The following ZNF527 variants were observed in gnomAD, a reference collection of about 807,000 sequenced individuals.
The protein encoded by ZNF527 is zinc finger protein 527.
In ZNF527, 5 loss-of-function variants were observed where a neutral mutation model predicts 13.5. The ratio of observed to expected loss-of-function variants is 0.37; its 90% CI spans 0.19 to 0.78. ZNF527 has a LOEUF of 0.78. Ranked by LOEUF, ZNF527 falls within the 30% of genes least tolerant of loss-of-function variation. ZNF527 has a pLI of 0.48. For synonymous variants in ZNF527, 209 were observed against 243.1 expected, an observed-to-expected ratio of 0.86 and a Z score of 1.30; for missense variants, 628 against 726.4, an observed-to-expected ratio of 0.86 and a Z score of 1.56.
rs375560830 is a variant in ZNF527, at chr19:37,380,415, C to T, written c.256+43C>T. 6.5e-6 allele frequency: 10 copies of T among 1,547,508 alleles called. No homozygotes were observed. The African/African-American group carries it at 8.2e-5, about 13-fold the overall frequency. ...AGGCAGGGAGGACTATTGTAAGGTACTCAACCAAGTAGTAAGTAGGAAACT... is the reference window on the plus strand; with the variant it reads ...AGGCAGGGAGGACTATTGTAAGGTATTCAACCAAGTAGTAAGTAGGAAACT... On this transcript the variant is annotated intron_variant, in intron 4 of 4. Coordinates refer to ENST00000436120, the MANE Select transcript of ZNF527 (RefSeq NM_032453.2).
rs780233204 is a variant in ZNF527, at chr19:37,379,263, C to T, written c.160+17C>T. The stretch of plus-strand genomic sequence containing the variant: ...TATGGCTTGGTAAGGATGTTTCTCC[C>T]CCATAATTTAAAAATCTTCCTCTGG... On this transcript the variant is annotated intron_variant, in intron 3 of 4. Transcript: ENST00000436120. 1.9e-6 allele frequency: 3 copies of T among 1,567,626 alleles called. No individual in the cohort carries two copies. The highest frequency in any genetic ancestry group is 2.4e-5 in the South Asian group (2 of 83,594).
At chr19:37,380,482 T>C (rs2040645331) in intron 4 of ZNF527, 110 bp downstream of exon 4, 2 of 834,394 alleles carry the variant, frequency 2.4e-6, no homozygotes, top group South Asian at 1.9e-5. Flanking sequence ...ATCTCCATAG[T>C]ATGTGCTTCC....
At chr19:37,377,625 G>A (rs2040618910) in intron 2 of ZNF527, among the ~76,000 whole-genome samples, 1 of 152,158 alleles carries the variant, frequency 6.6e-6, no homozygotes, top group Non-Finnish European at 1.5e-5. Context: ...AAACTATAAA[G>A]GATCATGCTG....
At position 37,386,140 on chromosome 19, in the gene ZNF527, C is replaced by CTTTTTTTTTTTTTTTT. The variant is rs1050024983; in HGVS notation, c.257-2159_257-2144dup. Among the ~76,000 whole-genome samples the CTTTTTTTTTTTTTTTT allele has an allele frequency of 2.1e-4, 15 of 72,458 alleles. 3 individuals carry two copies. The highest frequency in any genetic ancestry group is 6.2e-4 in the Admixed American group (3 of 4,842). 47.5% of individuals were successfully genotyped at this position (72,458 alleles called of 152,430 possible). The stretch of plus-strand genomic sequence containing the variant: ...TAGAACTTTCTTTTCTCTTCTTTTC[C>CTTTTTTTTTTTTTTTT]TTTTTTTTTTTTTTTTTTTTTTGAG... On this transcript the variant is annotated intron_variant, in intron 4 of 4. Coordinates refer to ENST00000436120, the MANE Select transcript of ZNF527 (RefSeq NM_032453.2).
chr19:37,386,140 C>CTTTTTTTTTTTTTTTTTTTTTTTTTTT (rs1050024983), intron 4 of ZNF527, among the ~76,000 whole-genome samples: 2 of 72,456 alleles, frequency 2.8e-5, no homozygotes, highest in African/African-American at 6.7e-5. Context: ...TCTTCTTTTC[C>CTTTTTTTTTTTTTTTTTTTTTTTTTTT]TTTTTTTTTT....
At chr19:37,379,722 C>A (rs970467037) in intron 3 of ZNF527, 25 of 154,942 alleles carry the variant, frequency 1.6e-4, no homozygotes, top group Admixed American at 1.4e-3. Flanking sequence ...CTTGACCTCC[C>A]AAAGTGTTGG....
chr19:37,381,442 C>T (rs1970518646), intron 4 of ZNF527, among the ~76,000 whole-genome samples: 1 of 152,120 alleles, frequency 6.6e-6, no homozygotes, highest in African/African-American at 2.4e-5. Context: ...GATATTTTCT[C>T]ATAATTAGAT....
At chr19:37,375,330 TCTTTCTTTC>T (rs1165965005) in intron 2 of ZNF527, among the ~76,000 whole-genome samples, 14 of 147,618 alleles carry the variant, frequency 9.5e-5, no homozygotes, top group Admixed American at 2.1e-4. Context: ...TTTCTTTCTT[TCTTTCTTTC>T]CTTTCTTTCC....
At chr19:37,377,000 A>G (rs1363053387) in intron 2 of ZNF527, among the ~76,000 whole-genome samples, 1 of 152,124 alleles carries the variant, frequency 6.6e-6, no homozygotes, top group Non-Finnish European at 1.5e-5. Flanking sequence ...TTCAAATTAC[A>G]TATGTGACTC....
In ZNF527 at chr19:37,389,381, T is replaced by C. The variant is rs761147521; in HGVS notation, c.1332T>C (p.Cys444=). The C allele has an allele frequency of 3.7e-6, 6 of 1,614,070 alleles. No individual in the cohort carries two copies. Among genetic ancestry groups the C allele is most frequent in the African/African-American group, 1.3e-5 (1 of 74,932 alleles). ...RIHTGEKPFK[C]SECGKTFGYR... is the part of the protein sequence containing the mutation. ...ACACAGGAGAGAAACCCTTCAAATG[T>C]AGTGAATGTGGGAAGACCTTTGGCT... Residue 444 remains cysteine, a synonymous_variant, in exon 5 of 5, where the codon TGT becomes TGC. Coordinates refer to ENST00000436120, the MANE Select transcript of ZNF527 (RefSeq NM_032453.2).
intron 4 of ZNF527, chr19:37,385,044 T>C (rs1433492826): frequency 3.0e-6 from 2 of 674,740 alleles, no homozygotes; most frequent in African/African-American, 3.5e-5. Context: ...CAGGCTGGTC[T>C]AGCACTCCTG....
chr19:37,377,050 G>T (rs556824796), intron 2 of ZNF527, among the ~76,000 whole-genome samples: 7 of 151,994 alleles, frequency 4.6e-5, no homozygotes, highest in Non-Finnish European at 5.9e-5. Context: ...AACAACTTAC[G>T]GGAAGAGTTT....
At chr19:37,374,996 C>T (rs1341537386) in intron 2 of ZNF527, among the ~76,000 whole-genome samples, 1 of 152,130 alleles carries the variant, frequency 6.6e-6, no homozygotes, top group East Asian at 1.9e-4. Context: ...ATAGAAAATG[C>T]GATTTGATCA....
intron 4 of ZNF527, among the ~76,000 whole-genome samples, chr19:37,381,867 A>AT (rs910393426): frequency 6.6e-5 from 10 of 151,894 alleles, no homozygotes; most frequent in African/African-American, 2.2e-4. Context: ...ATATTTATGG[A>AT]TTTTTTTCCT....
Position 37,386,526 on chromosome 19 carries a change from T to C in ZNF527, c.257-1780T>C, listed in dbSNP as rs556416326. Among the ~76,000 whole-genome samples the C allele has an allele frequency of 4.6e-5, 7 of 152,288 alleles. No individual in the cohort carries two copies. In the East Asian group the frequency reaches 1.3e-3, roughly 29 times the overall value. ...GCCACTAGCCACATTTAGCTTTGAG[T>C]GCATAAAATGTGGCTAGTGTGAGTA... On this transcript the variant is annotated intron_variant, in intron 4 of 4. Coordinates refer to ENST00000436120, the MANE Select transcript of ZNF527 (RefSeq NM_032453.2).
Position 37,388,825 on chromosome 19 carries a change from CATT to C in ZNF527, c.780_782del (p.Leu260del), listed in dbSNP as rs1212046562. ...TTTTCAAAGCTCTTAAGTTTCCACT[CATT>C]ATTTACTCAACATCAGACCACTCAT... On this transcript the variant is annotated inframe_deletion, in exon 5 of 5. Coordinates refer to ENST00000436120, the MANE Select transcript of ZNF527 (RefSeq NM_032453.2). 3.1e-6 allele frequency: 5 copies of C among 1,613,676 alleles called. No individual in the cohort carries two copies. Among genetic ancestry groups the C allele is most frequent in the Non-Finnish European group, 4.2e-6 (5 of 1,179,940 alleles).
intron 4 of ZNF527, among the ~76,000 whole-genome samples, chr19:37,384,017 A>G (rs1317197362): frequency 6.6e-6 from 1 of 151,860 alleles, no homozygotes; most frequent in Non-Finnish European, 1.5e-5. Flanking sequence ...TGGGTTTTAT[A>G]GTTTTTAAAA....
At chr19:37,374,005 A>G (rs188116524) in intron 1 of ZNF527, among the ~76,000 whole-genome samples, 153 bp from the exon 2 acceptor site, 12 of 51,404 alleles carry the variant, frequency 2.3e-4, no homozygotes, top group African/African-American at 9.5e-4. Flanking sequence ...TAAGTTCAGC[A>G]TTGGATTCCA....
chr19:37,371,612 G>T (rs143766133), intron 1 of ZNF527, among the ~76,000 whole-genome samples: 65 of 152,296 alleles, frequency 4.3e-4, no homozygotes, highest in African/African-American at 1.5e-3. Context: ...ATACAATTGC[G>T]TTTGAATGTG....
Sources: gnomAD v4.1 joint callset for allele counts (sites outside exome capture counted in the v4.1 genomes callset) on GRCh38, gnomAD v4.1.1 for gene constraint, MANE v1.5 for transcripts, NCBI Gene and HGNC (gene_info 2026-07-23, HGNC 2026-07-21) for gene names.